The following PPP5C variants were observed in gnomAD, a reference collection of about 807,000 sequenced individuals.
PPP5C encodes serine/threonine-protein phosphatase 5.
In PPP5C, 21 loss-of-function variants were observed where a neutral mutation model predicts 66.7. The ratio of observed to expected loss-of-function variants is 0.31; its 90% CI spans 0.22 to 0.45. The LOEUF is 0.45. Ranked by LOEUF, PPP5C falls within the 20% of genes least tolerant of loss-of-function variation. The probability of loss-of-function intolerance (pLI) is 1.00; values close to 1 mark genes in which losing one functional copy is unlikely to be tolerated. For missense variants in PPP5C, 464 were observed against 675.9 expected, an observed-to-expected ratio of 0.69 and a Z score of 3.48; for synonymous variants, 246 against 257.4, an observed-to-expected ratio of 0.96 and a Z score of 0.43.
chr19:46,358,773 A>G (rs1385287315), intron 2 of PPP5C, among the ~76,000 whole-genome samples: 1 of 152,218 alleles, frequency 6.6e-6, no homozygotes, highest in African/African-American at 2.4e-5. Context: ...GGTTTAAAAA[A>G]TAACATTGAT....
Position 46,390,285 on chromosome 19 carries a change from C to T in PPP5C, c.1439C>T (p.Pro480Leu), listed in dbSNP as rs1176701252. Residue 480 changes from proline (P) to leucine (L), a missense_variant and splice_region_variant, in exon 13 of 13, where the codon CCT becomes CTT. By Grantham distance (98) the Pro-to-Leu change is moderately conservative (BLOSUM62 -3). This residue lies in a region of PPP5C where 387 missense variants were observed against 626.0 expected (regional missense o/e 0.62). Coordinates refer to ENST00000012443, the MANE Select transcript of PPP5C (RefSeq NM_006247.4). ...RPQFHQFTAV[P>L]HPNVKPMAYA... is the part of the protein sequence containing the mutation. ...ATCCCACCTGCCCTGGTCCCACAGC[C>T]TCATCCCAACGTCAAGCCCATGGCC... 1.9e-6 allele frequency: 3 copies of T among 1,592,720 alleles called. No individual in the cohort carries two copies. The highest frequency in any genetic ancestry group is 2.6e-6 in the Non-Finnish European group (3 of 1,169,540).
In PPP5C at chr19:46,390,762, C is replaced by T; in HGVS notation, c.*416C>T. 3 of 1,136,302 alleles carry T rather than the reference C, an allele frequency of 2.6e-6. No homozygotes were observed. Among genetic ancestry groups the T allele is most frequent in the Non-Finnish European group, 3.3e-6 (3 of 915,202 alleles). The allele number at this position is 1,136,302 out of a possible 1,614,324, so 70.4% of individuals were successfully genotyped here. A position where few individuals can be genotyped will look rare whatever the true frequency, so the allele number is the denominator to read the frequency against. ...GCCTGCGCCTCCCCTCCTATAGCCCCATGGTGGGGCTAGGCTGGGGCTCAC... is the reference window on the plus strand; with the variant it reads ...GCCTGCGCCTCCCCTCCTATAGCCCTATGGTGGGGCTAGGCTGGGGCTCAC... On this transcript the variant is annotated 3_prime_UTR_variant, in exon 13 of 13. Transcript: ENST00000012443.
chr19:46,383,878 T>C lies in PPP5C; in HGVS notation c.798T>C (p.Tyr266=). The C allele has an allele frequency of 1.2e-6, 2 of 1,608,358 alleles. No individual in the cohort carries two copies. The highest frequency in any genetic ancestry group is 1.7e-5 in the Admixed American group (1 of 60,000). Reference sequence around the variant, plus strand: ...GTTTACCCTCGGAGACCAACCCCTATGTATCCTTCTCAGCAGAGCCACCCT... The same window carrying C: ...GTTTACCCTCGGAGACCAACCCCTACGTATCCTTCTCAGCAGAGCCACCCT... ...LNGLPSETNP[Y]IFNGDFVDRG... The change falls in exon 6 of 13, where the codon TAT becomes TAC. Residue 266 remains tyrosine (Y), a splice_region_variant and synonymous_variant. Coordinates refer to ENST00000012443, the MANE Select transcript of PPP5C (RefSeq NM_006247.4). The surrounding 1 kb of genome is among the most constrained non-coding windows in gnomAD (Gnocchi z 5.0).
At chr19:46,380,063 C>T (rs963364053) in intron 4 of PPP5C, among the ~76,000 whole-genome samples, 1 of 152,050 alleles carries the variant, frequency 6.6e-6, no homozygotes, top group Non-Finnish European at 1.5e-5. Context: ...CCAGCAGTTT[C>T]GGAGGCCGAG....
Position 46,387,174 on chromosome 19 carries a change from A to G in PPP5C, c.986A>G (p.Glu329Gly). ...GCCAAGTACACAGCCCAGATGTACG[A>G]GCTCTTTAGCGAGGTGTTCGAGTGG... Reference protein sequence around the residue: ...VKAKYTAQMYELFSEVFEWLP... With the variant: ...VKAKYTAQMYGLFSEVFEWLP... Residue 329 changes from glutamate (E) to glycine (G), a missense_variant, in exon 8 of 13, where the codon GAG (glutamate) becomes GGG (glycine). Coordinates refer to ENST00000012443, the MANE Select transcript of PPP5C (RefSeq NM_006247.4). 1 of 1,614,218 alleles carries G rather than the reference A, an allele frequency of 6.2e-7. No homozygotes were observed. Among genetic ancestry groups the G allele is most frequent in the Non-Finnish European group, 8.5e-7 (1 of 1,180,044 alleles).
rs1039424802 is a variant in PPP5C, at chr19:46,388,481, T to C, written c.1176+33T>C. The C allele has an allele frequency of 8.1e-6, 13 of 1,607,916 alleles. No individual in the cohort carries two copies. The highest frequency in any genetic ancestry group is 3.3e-5 in the South Asian group (3 of 90,640). On this transcript the variant is annotated intron_variant, in intron 10 of 12. Coordinates refer to ENST00000012443, the MANE Select transcript of PPP5C (RefSeq NM_006247.4). The surrounding 1 kb of genome is among the most constrained non-coding windows in gnomAD (Gnocchi z 4.9). ...TAGGGTGGGGTGCAGGGCCGGCGGG[T>C]GTGGGCTGTGGCAGCAGGTGGAGGC... is the stretch of plus-strand genomic sequence containing the variant.
Position 46,388,695 on chromosome 19 carries a change from GC to G in PPP5C, c.1321del (p.Arg441AlafsTer56). Reference sequence around the variant, plus strand: ...GAGGGCTACGAGGTGGCTCACGGAGGCCGCTGTGTCACCGTCTTCTCTGCCC... The same window carrying G: ...GAGGGCTACGAGGTGGCTCACGGAGGCGCTGTGTCACCGTCTTCTCTGCCC... ...KAEGYEVAHG[G>X]RCVTVFSAPN... On this transcript the variant is annotated frameshift_variant, in exon 11 of 13. Transcript: ENST00000012443. LOFTEE classifies it high-confidence loss of function. The surrounding 1 kb of genome is among the most constrained non-coding windows in gnomAD (Gnocchi z 4.9). 6.2e-7 allele frequency: 1 copy of G among 1,614,134 alleles called. No homozygotes were observed. The highest frequency in any genetic ancestry group is 8.5e-7 in the Non-Finnish European group (1 of 1,180,024).
intron 2 of PPP5C, 72 bp downstream of exon 2, chr19:46,354,061 G>T: frequency 1.3e-6 from 2 of 1,554,170 alleles, no homozygotes; most frequent in Non-Finnish European, 1.7e-6. Flanking sequence ...GCGGGGACGG[G>T]TGTGAGGAGC....
intron 2 of PPP5C, among the ~76,000 whole-genome samples, chr19:46,374,046 C>T (rs899436329): frequency 6.6e-6 from 1 of 152,168 alleles, no homozygotes; most frequent in African/African-American, 2.4e-5. Context: ...GGCACATAAC[C>T]ACTCCTCATT....
chr19:46,354,077 A>C, intron 2 of PPP5C, 88 bp downstream of exon 2: 1 of 1,507,122 alleles, frequency 6.6e-7, no homozygotes, highest in Non-Finnish European at 8.9e-7. Context: ...GGAGCCATTC[A>C]CTCCTCTACT....
At chr19:46,348,765 A>T (rs1372770535) in intron 1 of PPP5C, among the ~76,000 whole-genome samples, 2 of 152,078 alleles carry the variant, frequency 1.3e-5, no homozygotes, top group Non-Finnish European at 2.9e-5. Context: ...GGGTGAGGCT[A>T]AGGAGGAGCA....
In PPP5C at chr19:46,390,362, G is replaced by A. The variant is rs373829451; in HGVS notation, c.*16G>A. 169 of 1,563,034 alleles carry A rather than the reference G, an allele frequency of 1.1e-4. No homozygotes were observed. Among genetic ancestry groups the A allele is most frequent in the Non-Finnish European group, 1.3e-4 (147 of 1,153,804 alleles). On this transcript the variant is annotated 3_prime_UTR_variant, in exon 13 of 13. Transcript: ENST00000012443. ...AATGATGTGAGGTGACGGGCGGGGC[G>A]GCCTGCATCCCAGGGCCCCTCCAAT...
chr19:46,356,113 C>T (rs1346769276), intron 2 of PPP5C, among the ~76,000 whole-genome samples: 1 of 152,198 alleles, frequency 6.6e-6, no homozygotes, highest in Non-Finnish European at 1.5e-5. Context: ...GGGTGTGCCA[C>T]GTCTGAGCTG....
rs1311158660 is a variant in PPP5C at position 46,387,351 on chromosome 19, C to T, written c.1048-15C>T. On this transcript the variant is annotated splice_polypyrimidine_tract_variant and intron_variant, in intron 8 of 12. Coordinates refer to ENST00000012443, the MANE Select transcript of PPP5C (RefSeq NM_006247.4). The stretch of plus-strand genomic sequence containing the variant: ...GTGGCACCTTCCCTCACAGCGGCAT[C>T]CCCCATCTCCCCAGATCATGCACGG... 2 of 1,606,254 alleles carry T rather than the reference C, an allele frequency of 1.2e-6. No individual in the cohort carries two copies. Among genetic ancestry groups the T allele is most frequent in the African/African-American group, 1.3e-5 (1 of 74,768 alleles).
intron 2 of PPP5C, among the ~76,000 whole-genome samples, chr19:46,370,741 GTC>G (rs139564201): frequency 1.3e-5 from 2 of 151,686 alleles, no homozygotes; most frequent in South Asian, 2.1e-4. Context: ...CTGTGTGTAT[GTC>G]TCTCTCTTTT....
chr19:46,385,078 A>G (rs1972859185), intron 7 of PPP5C, 169 bp downstream of exon 7: 2 of 588,190 alleles, frequency 3.4e-6, no homozygotes, highest in Non-Finnish European at 6.1e-6. Context: ...CATCACACCA[A>G]AGGACGCGTT....
chr19:46,389,405 A>AGTGTTGAGTAAGACTC (rs1568579889), intron 11 of PPP5C, among the ~76,000 whole-genome samples: 1 of 28,802 alleles, frequency 3.5e-5, no homozygotes, highest in African/African-American at 1.0e-4. Context: ...ACACACACAC[A>AGTGTTGAGTAAGACTC]CACACACACA....
Position 46,383,483 on chromosome 19 carries a change from G to C in PPP5C, c.699+7G>C. Reference sequence around the variant, plus strand: ...GGAAACCACACTCAAAGAGGTGCGCGTTGTGGGGCAGTGCGGGGAGGGCCA... The same window carrying C: ...GGAAACCACACTCAAAGAGGTGCGCCTTGTGGGGCAGTGCGGGGAGGGCCA... On this transcript the variant is annotated splice_region_variant and intron_variant, in intron 5 of 12. Transcript: ENST00000012443. This position sits in a 1 kb window ranked among gnomAD's most constrained non-coding sequence, Gnocchi z 5.0. 1.3e-6 allele frequency: 2 copies of C among 1,598,534 alleles called. No individual in the cohort carries two copies. Among genetic ancestry groups the C allele is most frequent in the Non-Finnish European group, 1.7e-6 (2 of 1,169,464 alleles).
chr19:46,374,024 C>T (rs1471052470), intron 2 of PPP5C, among the ~76,000 whole-genome samples: 3 of 152,162 alleles, frequency 2.0e-5, no homozygotes, highest in African/African-American at 7.2e-5. Context: ...GTTTGGATGC[C>T]AGCCGGGTGT....
Sources: allele counts gnomAD v4.1 joint callset (sites outside exome capture counted in the v4.1 genomes callset), GRCh38; gene constraint gnomAD v4.1.1; regional missense constraint gnomAD v4.1.1; non-coding constraint Gnocchi (gnomAD v3.1); transcripts MANE v1.5; gene names NCBI Gene and HGNC (gene_info 2026-07-23, HGNC 2026-07-21).